ZMAT4: variants seen among roughly 807,000 people sequenced by gnomAD.
ZMAT4 encodes zinc finger matrin-type 4.
ZMAT4 carries 17 observed loss-of-function variants against 28.7 expected under a neutral mutation model. The observed-to-expected ratio is 0.59, with a 90% CI of 0.41 to 0.89. The LOEUF is 0.89. Ranked by LOEUF, ZMAT4 falls within the 40% of genes least tolerant of loss-of-function variation. ZMAT4 has a pLI of 0.00. For synonymous variants in ZMAT4, 117 were observed against 109.2 expected (o/e 1.07, Z -0.44); for missense variants, 240 against 283.8 (o/e 0.85, Z 1.11).
At chr8:40,553,204 C>T (rs1296321195) in intron 6 of ZMAT4, among the ~76,000 whole-genome samples, 1 of 152,180 alleles carries the variant, frequency 6.6e-6, no homozygotes, top group East Asian at 1.9e-4. Flanking sequence ...GTGAGTGCAA[C>T]ACCTTGGAAG....
chr8:40,802,262 C>G (rs865798625), intron 2 of ZMAT4, among the ~76,000 whole-genome samples: 1 of 152,128 alleles, frequency 6.6e-6, no homozygotes, highest in Non-Finnish European at 1.5e-5. Flanking sequence ...AAAGGTATAC[C>G]TTTTGGGAAG....
intron 6 of ZMAT4, among the ~76,000 whole-genome samples, chr8:40,557,049 A>AT (rs774373103): frequency 4.9e-4 from 75 of 151,968 alleles, no homozygotes; most frequent in Non-Finnish European, 9.4e-4. Flanking sequence ...CATGAGATCA[A>AT]TTTTTTTTAG....
chr8:40,887,102 C>A (rs1256021355), intron 1 of ZMAT4, among the ~76,000 whole-genome samples: 1 of 139,692 alleles, frequency 7.2e-6, no homozygotes, highest in African/African-American at 2.7e-5. Context: ...ACCCAGGAGG[C>A]GGAGCTTGCA....
intron 5 of ZMAT4, among the ~76,000 whole-genome samples, chr8:40,662,429 G>A (rs549505296): frequency 3.4e-4 from 52 of 152,166 alleles, no homozygotes; most frequent in African/African-American, 1.1e-3. Context: ...TTTAAAATCC[G>A]GATAGGTTTC....
chr8:40,708,591 C>CTCTT (rs1365328350), intron 3 of ZMAT4, among the ~76,000 whole-genome samples: 2 of 150,842 alleles, frequency 1.3e-5, no homozygotes, highest in East Asian at 3.9e-4. Flanking sequence ...CTCTCTCTCT[C>CTCTT]TCTCTCTCTC....
intron 2 of ZMAT4, among the ~76,000 whole-genome samples, chr8:40,820,953 G>A (rs920470222): frequency 2.7e-5 from 4 of 150,376 alleles, no homozygotes; most frequent in Non-Finnish European, 5.9e-5. Flanking sequence ...ATATATGTGT[G>A]TGTCTGTGTG....
chr8:40,756,423 C>CTT (rs1491100863), intron 3 of ZMAT4, among the ~76,000 whole-genome samples: 1 of 26,808 alleles, frequency 3.7e-5, no homozygotes, highest in African/African-American at 1.5e-4. Context: ...AGGAAATGTT[C>CTT]TTTTATATAT....
intron 5 of ZMAT4, among the ~76,000 whole-genome samples, chr8:40,663,992 C>A (rs1445137181): frequency 6.6e-6 from 1 of 152,132 alleles, no homozygotes; most frequent in Non-Finnish European, 1.5e-5. Flanking sequence ...GTTGAATCAT[C>A]GGTTTGAGAC....
intron 3 of ZMAT4, among the ~76,000 whole-genome samples, chr8:40,727,910 AT>A (rs1473871374): frequency 2.0e-5 from 3 of 152,208 alleles, no homozygotes; most frequent in Non-Finnish European, 4.4e-5. Flanking sequence ...CATTTTATTT[AT>A]TTTTTATAAG....
chr8:40,863,584 T>C (rs967750377), intron 1 of ZMAT4, among the ~76,000 whole-genome samples: 1 of 152,226 alleles, frequency 6.6e-6, no homozygotes, highest in Non-Finnish European at 1.5e-5. Flanking sequence ...CACAACCAGC[T>C]AAGTTGAAAG....
At chr8:40,564,904 G>T (rs187798501) in intron 6 of ZMAT4, among the ~76,000 whole-genome samples, 1 of 152,084 alleles carries the variant, frequency 6.6e-6, no homozygotes, top group Non-Finnish European at 1.5e-5. Flanking sequence ...TTACCTGCAC[G>T]GATAGTAAAA....
chr8:40,571,922 AGGTTTCTTGGTTATTG>A (rs1344417891), intron 6 of ZMAT4, among the ~76,000 whole-genome samples: 7 of 152,108 alleles, frequency 4.6e-5, no homozygotes, highest in African/African-American at 7.2e-5. Context: ...TCGAAGTCTC[AGGTTTCTTGGTTATTG>A]GGTTTCTTGG....
At chr8:40,591,441 C>T (rs1192876290) in intron 5 of ZMAT4, among the ~76,000 whole-genome samples, 2 of 152,176 alleles carry the variant, frequency 1.3e-5, no homozygotes, top group Admixed American at 1.3e-4. Context: ...CCAATCTATC[C>T]TGCAGGTCGG....
At chr8:40,595,624 T>C (rs971836080) in intron 5 of ZMAT4, among the ~76,000 whole-genome samples, 1 of 152,108 alleles carries the variant, frequency 6.6e-6, no homozygotes, top group Non-Finnish European at 1.5e-5. Flanking sequence ...TATTTGTGTA[T>C]CTAAACATAC....
intron 5 of ZMAT4, among the ~76,000 whole-genome samples, chr8:40,620,614 G>C (rs1562903): frequency 0.98 from 149,175 of 152,328 alleles, 73,139 homozygotes; most frequent in Middle Eastern, 1. Flanking sequence ...TATTATGACA[G>C]AAATTATCCA....
chr8:40,671,797 C>T (rs1057190065), intron 5 of ZMAT4, among the ~76,000 whole-genome samples: 1 of 152,106 alleles, frequency 6.6e-6, no homozygotes, highest in Admixed American at 6.5e-5. Flanking sequence ...TTTCACTATA[C>T]ATATAATATG....
intron 3 of ZMAT4, among the ~76,000 whole-genome samples, chr8:40,730,873 T>A (rs1400368343): frequency 1.3e-5 from 2 of 152,152 alleles, no homozygotes; most frequent in Non-Finnish European, 2.9e-5. Flanking sequence ...ATTGAAGGCT[T>A]GCAACTTCCA....
intron 5 of ZMAT4, among the ~76,000 whole-genome samples, chr8:40,584,457 C>G (rs1002569971): frequency 2.0e-5 from 3 of 152,062 alleles, no homozygotes; most frequent in Non-Finnish European, 4.4e-5. Flanking sequence ...AATTACTGCT[C>G]TATCATGGAT....
At chr8:40,765,283 A>G (rs989727430) in intron 3 of ZMAT4, among the ~76,000 whole-genome samples, 2 of 152,150 alleles carry the variant, frequency 1.3e-5, no homozygotes, top group Admixed American at 1.3e-4. Flanking sequence ...GTTGATTCAT[A>G]TAATTACCAA....
Sources: allele counts gnomAD v4.1 joint callset (sites outside exome capture counted in the v4.1 genomes callset), GRCh38; gene constraint gnomAD v4.1.1; transcripts MANE v1.5; gene names NCBI Gene and HGNC (gene_info 2026-07-23, HGNC 2026-07-21).